MARCHF1: variants seen among roughly 807,000 people sequenced by gnomAD.
The protein encoded by MARCHF1 is membrane associated ring-CH-type finger 1, also known as E3 ubiquitin-protein ligase MARCHF1.
A neutral mutation model predicts 54.2 loss-of-function variants in MARCHF1; 40 were observed. That is an observed-to-expected ratio of 0.74 (90% CI 0.57 to 0.96). The LOEUF (loss-of-function observed/expected upper bound fraction) is 0.96, where lower values mean the gene tolerates loss of function less well. Among genes scored for constraint, MARCHF1 ranks in the 40% least tolerant of loss-of-function variants. The probability of loss-of-function intolerance (pLI) is 0.00; values close to 1 mark genes in which losing one functional copy is unlikely to be tolerated. For synonymous variants in MARCHF1, 236 were observed against 236.3 expected (o/e 1.00, Z 0.01); for missense variants, 586 against 656.5 (o/e 0.89, Z 1.17).
chr4:163,592,705 G>A (rs1337206296), intron 7 of MARCHF1, among the ~76,000 whole-genome samples: 1 of 152,066 alleles, frequency 6.6e-6, no homozygotes, highest in African/African-American at 2.4e-5. Flanking sequence ...CATCCCCTCT[G>A]GAGATGGTTC....
intron 1 of MARCHF1, among the ~76,000 whole-genome samples, chr4:164,321,275 G>C (rs1241338273): frequency 6.6e-6 from 1 of 152,054 alleles, no homozygotes; most frequent in Non-Finnish European, 1.5e-5. Context: ...AGGACTTTCT[G>C]GAGTAAACAG....
At chr4:163,615,473 T>C (rs567532587) in intron 5 of MARCHF1, among the ~76,000 whole-genome samples, 1 of 151,826 alleles carries the variant, frequency 6.6e-6, no homozygotes, top group Admixed American at 6.6e-5. Context: ...AGAAATCCCA[T>C]TTATAATGAT....
chr4:163,839,314 T>G (rs1453365859), intron 4 of MARCHF1, among the ~76,000 whole-genome samples: 1 of 152,094 alleles, frequency 6.6e-6, no homozygotes, highest in African/African-American at 2.4e-5. Flanking sequence ...TTCAGTACCT[T>G]AAATTGTTAA....
Position 164,150,953 on chromosome 4 carries a change from G to C in MARCHF1, c.-322-39291C>G, listed in dbSNP as rs186280872. On this transcript the variant is annotated intron_variant, in intron 1 of 9. Coordinates refer to ENST00000514618, the MANE Select transcript of MARCHF1 (RefSeq NM_001394959.1). ...CTTGAATGGGAATAGGAGGGCAAAAGTGTCAGTGGTGGAGTGCTGTGATGT... is the reference window on the plus strand; with the variant it reads ...CTTGAATGGGAATAGGAGGGCAAAACTGTCAGTGGTGGAGTGCTGTGATGT... 1.2e-4 allele frequency among the ~76,000 whole-genome samples: 19 copies of C among 152,286 alleles called. No homozygotes were observed. The East Asian group carries it at 3.7e-3, about 29-fold the overall frequency.
At chr4:163,743,988 G>A (rs1439614024) in intron 4 of MARCHF1, among the ~76,000 whole-genome samples, 2 of 152,108 alleles carry the variant, frequency 1.3e-5, no homozygotes, top group Non-Finnish European at 2.9e-5. Flanking sequence ...AAATCACCTC[G>A]GTTTTAGTGA....
chr4:164,253,670 C>T (rs959046452), intron 1 of MARCHF1, among the ~76,000 whole-genome samples: 18 of 151,932 alleles, frequency 1.2e-4, no homozygotes, highest in African/African-American at 2.9e-4. Context: ...TAAGCATATA[C>T]GTGGACATTG....
At position 163,894,661 on chromosome 4, in the gene MARCHF1, GCATGTGATGCATATA is replaced by G. The variant is rs1750745437; in HGVS notation, c.-38-40507_-38-40493del. ...ATATATGCATGTGATGCATATATAT[GCATGTGATGCATATA>G]TATGCATGTGATGCATATATATATG... On this transcript the variant is annotated intron_variant, in intron 3 of 9. Transcript: ENST00000514618. Among the ~76,000 whole-genome samples the G allele has an allele frequency of 2.5e-3, 4 of 1,598 alleles. 1 individual carries two copies. Among genetic ancestry groups the G allele is most frequent in the Non-Finnish European group, 4.7e-3 (3 of 638 alleles). The allele number at this position is 1,598 out of a possible 152,430, so 1.0% of individuals were successfully genotyped here.
rs13122540 is a variant in MARCHF1, at chr4:163,787,516, C to T, written c.111+66505G>A. Among the ~76,000 whole-genome samples, 1,105 of 151,508 alleles carry T rather than the reference C, an allele frequency of 7.3e-3. 6 individuals are homozygous for T. The highest frequency in any genetic ancestry group is 0.014 in the Middle Eastern group (4 of 292). On this transcript the variant is annotated intron_variant, in intron 4 of 9. Coordinates refer to ENST00000514618, the MANE Select transcript of MARCHF1 (RefSeq NM_001394959.1). Reference sequence around the variant, plus strand: ...CTTCGGAAAATGCAAATCAAAACCACGGTGACATATTATCTCATACCCATT... The same window carrying T: ...CTTCGGAAAATGCAAATCAAAACCATGGTGACATATTATCTCATACCCATT...
chr4:164,212,464 G>T (rs1579627598), intron 1 of MARCHF1, among the ~76,000 whole-genome samples: 1 of 152,108 alleles, frequency 6.6e-6, no homozygotes, highest in Non-Finnish European at 1.5e-5. Flanking sequence ...TTCTATGGAT[G>T]TTAACAGACT....
intron 8 of MARCHF1, among the ~76,000 whole-genome samples, chr4:163,552,847 C>T (rs960260641): frequency 3.3e-5 from 5 of 152,152 alleles, no homozygotes; most frequent in Non-Finnish European, 7.4e-5. Flanking sequence ...TCCTGGCCAA[C>T]GTGGTGAAAC....
intron 4 of MARCHF1, among the ~76,000 whole-genome samples, chr4:163,843,117 T>C (rs1175169757): frequency 6.6e-6 from 1 of 152,166 alleles, no homozygotes; most frequent in East Asian, 1.9e-4. Context: ...ATATGCAGTA[T>C]TTGGTTTTCT....
intron 3 of MARCHF1, among the ~76,000 whole-genome samples, chr4:163,883,395 A>ATT (rs1212155129): frequency 8.7e-5 from 13 of 149,362 alleles, no homozygotes; most frequent in Non-Finnish European, 1.6e-4. Flanking sequence ...AGGGCTCATA[A>ATT]TTACTCAGCC....
chr4:164,369,057 A>G (rs1008787102), intron 1 of MARCHF1, among the ~76,000 whole-genome samples: 18 of 139,372 alleles, frequency 1.3e-4, no homozygotes, highest in Non-Finnish European at 2.5e-4. Flanking sequence ...GAGTTGTCCT[A>G]TGACTGAACG....
chr4:164,203,989 A>G (rs190282004), intron 1 of MARCHF1, among the ~76,000 whole-genome samples: 4 of 152,356 alleles, frequency 2.6e-5, no homozygotes, highest in East Asian at 1.9e-4. Context: ...TCTGATTTAC[A>G]TTTGTAATTC....
chr4:163,989,134 C>T (rs146754119), intron 2 of MARCHF1, among the ~76,000 whole-genome samples: 229 of 152,280 alleles, frequency 1.5e-3, no homozygotes, highest in Admixed American at 7.7e-3. Context: ...AATAAGCAGA[C>T]GGCTGAAAAG....
At chr4:164,062,965 T>C (rs978945080) in intron 2 of MARCHF1, among the ~76,000 whole-genome samples, 1 of 152,238 alleles carries the variant, frequency 6.6e-6, no homozygotes, top group African/African-American at 2.4e-5. Context: ...ACTAGGTGCA[T>C]TGTTAATGAT....
intron 1 of MARCHF1, among the ~76,000 whole-genome samples, chr4:164,371,499 G>A (rs1314516744): frequency 6.6e-6 from 1 of 152,038 alleles, no homozygotes; most frequent in African/African-American, 2.4e-5. Context: ...GCATGTAAAT[G>A]ACAAAAAGTT....
At chr4:163,611,465 T>C (rs894597153) in intron 7 of MARCHF1, among the ~76,000 whole-genome samples, 7 of 152,110 alleles carry the variant, frequency 4.6e-5, no homozygotes, top group African/African-American at 1.7e-4. Context: ...AGTGAAAATC[T>C]TCATTTGCTC....
intron 1 of MARCHF1, among the ~76,000 whole-genome samples, chr4:164,233,652 T>C (rs80315126): frequency 0.021 from 3,164 of 152,244 alleles, 98 homozygotes; most frequent in East Asian, 0.12. Context: ...CACTAGGTTC[T>C]AATCCTCCAA....
Sources: gnomAD v4.1 joint callset for allele counts (sites outside exome capture counted in the v4.1 genomes callset) on GRCh38, gnomAD v4.1.1 for gene constraint, MANE v1.5 for transcripts, NCBI Gene and HGNC (gene_info 2026-07-23, HGNC 2026-07-21) for gene names.